Variants in C2CD3 observed in about 807,000 individuals in gnomAD.
C2CD3 encodes the protein C2 domain-containing protein 3.
In C2CD3, 148 loss-of-function variants were observed where a neutral mutation model predicts 234.0. That is an observed-to-expected ratio of 0.63 (90% CI 0.55 to 0.72). C2CD3 has a LOEUF of 0.72. Ranked by LOEUF, C2CD3 falls within the 30% of genes least tolerant of loss-of-function variation. The pLI, the probability that C2CD3 is intolerant of heterozygous loss-of-function variation, is 0.00. For missense variants in C2CD3, 2,577 were observed against 2,811.5 expected, an observed-to-expected ratio of 0.92 and a Z score of 1.89; for synonymous variants, 1,000 against 1,035.4, an observed-to-expected ratio of 0.97 and a Z score of 0.66.
chr11:74,150,767 C>A (rs927572223), intron 3 of C2CD3, among the ~76,000 whole-genome samples: 1 of 151,774 alleles, frequency 6.6e-6, no homozygotes, highest in East Asian at 1.9e-4. Context: ...AAACACCATA[C>A]CATTATCACA....
chr11:74,015,584 G>A (rs1322255942), intron 32 of C2CD3, among the ~76,000 whole-genome samples: 1 of 152,174 alleles, frequency 6.6e-6, no homozygotes, highest in African/African-American at 2.4e-5. Context: ...GGGGAAGTAG[G>A]GAGATGTTTG....
At chr11:74,102,696 A>C (rs1039405445) in intron 14 of C2CD3, among the ~76,000 whole-genome samples, 1 of 152,264 alleles carries the variant, frequency 6.6e-6, no homozygotes, top group Non-Finnish European at 1.5e-5. Flanking sequence ...AAAACCAAGA[A>C]AGAAAACAAT....
At chr11:74,099,728 C>G (rs1956241188) in intron 15 of C2CD3, among the ~76,000 whole-genome samples, 1 of 151,970 alleles carries the variant, frequency 6.6e-6, no homozygotes, top group Non-Finnish European at 1.5e-5. Flanking sequence ...AACCCCGTCT[C>G]TACTAAAAAT....
chr11:74,094,554 C>T (rs750593820), intron 17 of C2CD3, among the ~76,000 whole-genome samples: 2 of 151,986 alleles, frequency 1.3e-5, no homozygotes, highest in Non-Finnish European at 2.9e-5. Context: ...AAAAGGTGAG[C>T]GAGTTTGACT....
chr11:74,144,696 G>A (rs533743319), intron 3 of C2CD3, among the ~76,000 whole-genome samples: 1 of 152,188 alleles, frequency 6.6e-6, no homozygotes, highest in East Asian at 1.9e-4. Context: ...AAGTGAGAAC[G>A]TGTGGTGCTT....
intron 22 of C2CD3, among the ~76,000 whole-genome samples, chr11:74,083,692 AT>A (rs1454244481): frequency 6.6e-6 from 1 of 152,242 alleles, no homozygotes; most frequent in East Asian, 1.9e-4. Context: ...ACATGAAAAA[AT>A]GCTCATCATC....
intron 3 of C2CD3, among the ~76,000 whole-genome samples, chr11:74,156,581 A>C (rs896518486): frequency 6.6e-6 from 1 of 152,040 alleles, no homozygotes; most frequent in African/African-American, 2.4e-5. Context: ...AGGCCGAGGC[A>C]GGAGAACCGC....
At position 74,048,281 on chromosome 11, in the gene C2CD3, T is replaced by C. The variant is rs1953486764; in HGVS notation, c.5419A>G (p.Ser1807Gly). The change falls in exon 28 of 33, where the codon AGC (serine) becomes GGC (glycine). Residue 1807 changes from serine to glycine, a missense_variant. Ser to Gly is a moderately conservative substitution (Grantham distance 56). Transcript: ENST00000334126. ...PASDTYAAFS[S>G]HMARQTLDQL... is the part of the protein sequence containing the mutation. Reference sequence around the variant, plus strand: ...TCTAGGGTCTGCCTTGCCATGTGGCTGGAGAATGCAGCATACGTATCAGAG... The same window carrying C: ...TCTAGGGTCTGCCTTGCCATGTGGCCGGAGAATGCAGCATACGTATCAGAG... The C allele has an allele frequency of 1.9e-6, 3 of 1,613,768 alleles. No individual in the cohort carries two copies. The highest frequency in any genetic ancestry group is 1.3e-5 in the African/African-American group (1 of 75,016).
intron 32 of C2CD3, among the ~76,000 whole-genome samples, chr11:74,022,455 G>C (rs1170049971): frequency 1.3e-5 from 2 of 152,192 alleles, no homozygotes; most frequent in African/African-American, 4.8e-5. Context: ...GTCCGTACGT[G>C]TCTGCGGCAT....
rs148189040 is a variant in C2CD3 at position 74,043,663 on chromosome 11, C to G, written c.5496-1445G>C. ...AGATATCTTTTTTTTTTTTTAAATA[C>G]AGTCACCCTAGTGGATATAAAGTGG... On this transcript the variant is annotated intron_variant, in intron 28 of 32. Coordinates refer to ENST00000334126, the MANE Select transcript of C2CD3 (RefSeq NM_001286577.2). 3.8e-4 allele frequency among the ~76,000 whole-genome samples: 57 copies of G among 151,238 alleles called. No individual in the cohort carries two copies. The East Asian group carries it at 0.01, about 27-fold the overall frequency.
chr11:74,134,238 A>C (rs1957783049), intron 5 of C2CD3, among the ~76,000 whole-genome samples: 1 of 152,232 alleles, frequency 6.6e-6, no homozygotes, highest in Non-Finnish European at 1.5e-5. Context: ...AACTTGACCA[A>C]GTTGTACACG....
chr11:74,040,582 C>T (rs1189737086), intron 29 of C2CD3, among the ~76,000 whole-genome samples: 1 of 151,848 alleles, frequency 6.6e-6, no homozygotes, highest in Admixed American at 6.6e-5. Flanking sequence ...TAGTGAAACC[C>T]TGTCTCTACT....
At chr11:74,111,919 TACACAC>T (rs61499954) in intron 11 of C2CD3, among the ~76,000 whole-genome samples, 15,762 of 124,652 alleles carry the variant, frequency 0.13, 954 homozygotes, top group Admixed American at 0.18. Context: ...TATTTGCTGA[TACACAC>T]ACACACACAC....
Position 74,114,170 on chromosome 11 carries a change from A to G in C2CD3, c.1730+214T>C, listed in dbSNP as rs547352708. ...GTTTCTCTCTCCTGCTAACTGTAAG[A>G]TATGTAAGAACAGAGTCTGTATCTT... On this transcript the variant is annotated intron_variant, in intron 10 of 32. Coordinates refer to ENST00000334126, the MANE Select transcript of C2CD3 (RefSeq NM_001286577.2). Among the ~76,000 whole-genome samples, 106 of 152,304 alleles carry G rather than the reference A, an allele frequency of 7.0e-4. 1 individual carries two copies. The highest frequency in any genetic ancestry group is 2.5e-3 in the African/African-American group (102 of 41,554).
chr11:74,081,620 T>TCAC (rs1032250542), intron 22 of C2CD3, among the ~76,000 whole-genome samples: 1 of 149,194 alleles, frequency 6.7e-6, no homozygotes, highest in Non-Finnish European at 1.5e-5. Flanking sequence ...ATCATCATCA[T>TCAC]CATCACCATC....
At position 74,170,991 on chromosome 11, in the gene C2CD3, C is replaced by T. The variant is rs1481860443; in HGVS notation, c.-199G>A. On this transcript the variant is annotated 5_prime_UTR_variant, in exon 1 of 33. Transcript: ENST00000334126. ...GAGAAGGCGCCAAGACGCCTTCCCT[C>T]CAATACACTACAATACCCAGGACGC... 7.9e-7 allele frequency: 1 copy of T among 1,265,012 alleles called. No individual in the cohort carries two copies. The highest frequency in any genetic ancestry group is 2.3e-5 in the Admixed American group (1 of 43,578). The allele number at this position is 1,265,012 out of a possible 1,614,324, so 78.4% of individuals were successfully genotyped here. A position where few individuals can be genotyped will look rare whatever the true frequency, so the allele number is the denominator to read the frequency against.
intron 32 of C2CD3, among the ~76,000 whole-genome samples, chr11:74,020,590 C>T (rs901533059): frequency 5.3e-5 from 8 of 152,196 alleles, no homozygotes; most frequent in African/African-American, 9.6e-5. Context: ...CATGAGGGTC[C>T]TAGCTCTTTC....
intron 3 of C2CD3, among the ~76,000 whole-genome samples, chr11:74,147,082 T>TAAAAG (rs2135552677): frequency 1.3e-5 from 2 of 151,556 alleles, no homozygotes; most frequent in East Asian, 3.9e-4. Flanking sequence ...TAAAATAAAA[T>TAAAAG]GAAATAAAAA....
rs748536133 is a variant in C2CD3, at chr11:74,114,498, T to G, written c.1616A>C (p.His539Pro). The G allele has an allele frequency of 3.1e-6, 5 of 1,613,878 alleles. No homozygotes were observed. Among genetic ancestry groups the G allele is most frequent in the Non-Finnish European group, 1.7e-6 (2 of 1,179,778 alleles). The change falls in exon 10 of 33, where the codon CAT (histidine) becomes CCT (proline). Residue 539 changes from histidine to proline, a missense_variant. Physicochemically the swap from His to Pro is moderately conservative, Grantham distance 77. Transcript: ENST00000334126. ...VDRLALLGRT[H>P]SVRIIIETMG... ...GGTTTCGATGATGATTCTGACTGAA[T>G]GTGTTCTACCCAAAAGGGCCAGTCT...
Sources: allele counts gnomAD v4.1 joint callset (sites outside exome capture counted in the v4.1 genomes callset), GRCh38; gene constraint gnomAD v4.1.1; transcripts MANE v1.5; gene names NCBI Gene and HGNC (gene_info 2026-07-23, HGNC 2026-07-21).